OTUD7A: variants seen among roughly 807,000 people sequenced by gnomAD.
OTUD7A encodes OTU deubiquitinase 7A.
OTUD7A carries 12 observed loss-of-function variants against 65.7 expected under a neutral mutation model. The ratio of observed to expected loss-of-function variants is 0.18; its 90% CI spans 0.12 to 0.30. OTUD7A has a LOEUF of 0.30. OTUD7A is among the 10% of genes least tolerant of loss of function. OTUD7A has a pLI of 1.00. For missense variants in OTUD7A, 1,148 were observed against 1,304.8 expected, an observed-to-expected ratio of 0.88 and a Z score of 1.85; for synonymous variants, 641 against 586.3, an observed-to-expected ratio of 1.09 and a Z score of -1.35.
At chr15:31,491,875 G>GAAA (rs904849805) in intron 10 of OTUD7A, among the ~76,000 whole-genome samples, 1 of 143,672 alleles carries the variant, frequency 7.0e-6, no homozygotes, top group Admixed American at 6.9e-5. Flanking sequence ...AGTGCTGAAA[G>GAAA]AAAAAAAAAA....
intron 1 of OTUD7A, among the ~76,000 whole-genome samples, chr15:31,808,140 C>CACAA (rs1272100227): frequency 0.038 from 5,316 of 140,098 alleles, 193 homozygotes; most frequent in African/African-American, 0.04. Flanking sequence ...CACACACAAA[C>CACAA]AAATCCTCAC....
intron 5 of OTUD7A, among the ~76,000 whole-genome samples, chr15:31,535,490 A>G (rs923934403): frequency 7.9e-5 from 12 of 152,024 alleles, no homozygotes; most frequent in African/African-American, 2.9e-4. Context: ...ACTATTACCT[A>G]CCTTTACCAT....
At chr15:31,554,516 T>C (rs1888428520) in intron 5 of OTUD7A, among the ~76,000 whole-genome samples, 1 of 152,250 alleles carries the variant, frequency 6.6e-6, no homozygotes. Context: ...AAGCCTCCTC[T>C]GTAACTTACC....
intron 4 of OTUD7A, 95 bp from the exon 5 acceptor site, chr15:31,559,282 C>T: frequency 8.5e-7 from 1 of 1,171,388 alleles, no homozygotes; most frequent in South Asian, 1.5e-5. Flanking sequence ...ACACAATACA[C>T]ACACACAGGT....
At chr15:31,646,621 T>C (rs56095274) in intron 3 of OTUD7A, among the ~76,000 whole-genome samples, 4,651 of 151,998 alleles carry the variant, frequency 0.031, 98 homozygotes, top group Middle Eastern at 0.079. Flanking sequence ...CCACCACGCC[T>C]GGCTAATTTT....
At chr15:31,713,122 A>G (rs1260086040) in intron 1 of OTUD7A, among the ~76,000 whole-genome samples, 1 of 152,192 alleles carries the variant, frequency 6.6e-6, no homozygotes, top group Non-Finnish European at 1.5e-5. Flanking sequence ...GTCCACAGTA[A>G]ATGTGCTGAG....
intron 3 of OTUD7A, among the ~76,000 whole-genome samples, chr15:31,576,288 T>C (rs1467583919): frequency 6.6e-6 from 1 of 152,184 alleles, no homozygotes; most frequent in Non-Finnish European, 1.5e-5. Flanking sequence ...GACAGAACTC[T>C]AAGTCATCTC....
intron 5 of OTUD7A, among the ~76,000 whole-genome samples, chr15:31,555,312 T>C (rs1217305344): frequency 6.6e-6 from 1 of 152,240 alleles, no homozygotes; most frequent in Non-Finnish European, 1.5e-5. Flanking sequence ...GAACTGTCCC[T>C]TAAACAAATG....
intron 1 of OTUD7A, among the ~76,000 whole-genome samples, chr15:31,701,156 C>T (rs879794423): frequency 2.4e-4 from 37 of 152,006 alleles, no homozygotes; most frequent in Non-Finnish European, 2.9e-4. Flanking sequence ...TAACCAAATG[C>T]AGGGTAGGAC....
intron 1 of OTUD7A, among the ~76,000 whole-genome samples, chr15:31,805,174 G>A (rs1180172409): frequency 1.3e-5 from 2 of 152,222 alleles, no homozygotes; most frequent in Non-Finnish European, 2.9e-5. Context: ...CTGTTGGAAG[G>A]CTGGAAGACA....
chr15:31,857,761 C>T (rs1160748356), intron 1 of OTUD7A, among the ~76,000 whole-genome samples: 1 of 152,194 alleles, frequency 6.6e-6, no homozygotes, highest in Non-Finnish European at 1.5e-5. Flanking sequence ...AGGGTATTAC[C>T]ACTTGATTGC....
At chr15:31,856,206 C>A (rs941580337) in intron 1 of OTUD7A, among the ~76,000 whole-genome samples, 8 of 152,162 alleles carry the variant, frequency 5.3e-5, no homozygotes, top group African/African-American at 1.9e-4. Flanking sequence ...ATGTAATAAT[C>A]TCCAACAAGT....
At chr15:31,605,152 TACTC>T (rs1890201099) in intron 3 of OTUD7A, among the ~76,000 whole-genome samples, 1 of 152,174 alleles carries the variant, frequency 6.6e-6, no homozygotes, top group Non-Finnish European at 1.5e-5. Context: ...AGTTAGAACT[TACTC>T]TCTCTGTGCT....
chr15:31,665,970 G>A (rs1245757802), intron 1 of OTUD7A, among the ~76,000 whole-genome samples: 4 of 151,238 alleles, frequency 2.6e-5, no homozygotes, highest in East Asian at 3.9e-4. Flanking sequence ...ATTGACTTGC[G>A]TATGTGAAAT....
At chr15:31,767,635 A>G (rs1453192975) in intron 1 of OTUD7A, 1 of 773,122 alleles carries the variant, frequency 1.3e-6, no homozygotes, top group Non-Finnish European at 2.4e-6. Flanking sequence ...TCAGAATAAA[A>G]TATCTCCAAA....
At chr15:31,708,038 A>G (rs1356034547) in intron 1 of OTUD7A, among the ~76,000 whole-genome samples, 2 of 151,934 alleles carry the variant, frequency 1.3e-5, no homozygotes, top group East Asian at 3.9e-4. Flanking sequence ...TAGAGAATTA[A>G]AAGGGAGAAC....
chr15:31,718,004 G>A (rs1409969103), intron 1 of OTUD7A, among the ~76,000 whole-genome samples: 5 of 152,136 alleles, frequency 3.3e-5, no homozygotes, highest in Non-Finnish European at 7.3e-5. Flanking sequence ...CCCTACTTAG[G>A]GTAGAATGTC....
chr15:31,642,460 G>A (rs1891544860), intron 3 of OTUD7A, among the ~76,000 whole-genome samples: 1 of 152,152 alleles, frequency 6.6e-6, no homozygotes, highest in Non-Finnish European at 1.5e-5. Context: ...GGAAGAGCTG[G>A]TATAATTTTT....
intron 8 of OTUD7A, among the ~76,000 whole-genome samples, chr15:31,518,269 C>G (rs12440031): frequency 2.6e-5 from 4 of 151,718 alleles, no homozygotes; most frequent in Non-Finnish European, 5.9e-5. Flanking sequence ...GTCAGGAGAT[C>G]GAGACCATCC....
Sources: allele counts gnomAD v4.1 joint callset (sites outside exome capture counted in the v4.1 genomes callset), GRCh38; gene constraint gnomAD v4.1.1; transcripts MANE v1.5; gene names NCBI Gene and HGNC (gene_info 2026-07-23, HGNC 2026-07-21).